Variants in DSE observed in about 807,000 individuals in gnomAD.
The protein encoded by DSE is dermatan sulfate epimerase.
DSE carries 36 observed loss-of-function variants against 84.4 expected under a neutral mutation model. The observed-to-expected ratio is 0.43, with a 90% CI of 0.33 to 0.56. DSE has a LOEUF of 0.56. DSE is among the 20% of genes least tolerant of loss of function. The pLI is 0.06. For synonymous variants in DSE, 410 were observed against 430.1 expected, an observed-to-expected ratio of 0.95 and a Z score of 0.58; for missense variants, 862 against 1,169.6, an observed-to-expected ratio of 0.74 and a Z score of 3.84.
In DSE at chr6:116,429,812, C is replaced by T. The variant is rs1226174031; in HGVS notation, c.671-1142C>T. On this transcript the variant is annotated intron_variant, in intron 3 of 5. Coordinates refer to ENST00000644252, the MANE Select transcript of DSE (RefSeq NM_013352.4). ...AAATACAAAAAAAAAATTAGCCGGGCGTGATGGCGGGCGCCTGCAGTCCCA... is the reference window on the plus strand; with the variant it reads ...AAATACAAAAAAAAAATTAGCCGGGTGTGATGGCGGGCGCCTGCAGTCCCA... Among the ~76,000 whole-genome samples the T allele has an allele frequency of 9.1e-5, 6 of 66,130 alleles. 1 individual carries two copies. The highest frequency in any genetic ancestry group is 1.8e-4 in the Non-Finnish European group (6 of 32,870). 43.4% of individuals were successfully genotyped at this position (66,130 alleles called of 152,430 possible). A position where few individuals can be genotyped will look rare whatever the true frequency, so the allele number is the denominator to read the frequency against.
chr6:116,371,716 T>A (rs1779593655), intron 1 of DSE, among the ~76,000 whole-genome samples: 1 of 152,152 alleles, frequency 6.6e-6, no homozygotes, highest in Non-Finnish European at 1.5e-5. Context: ...GAGAAATTGT[T>A]AGTAAACCTC....
intron 5 of DSE, among the ~76,000 whole-genome samples, chr6:116,434,493 G>A (rs546629152): frequency 1.3e-4 from 20 of 152,126 alleles, no homozygotes; most frequent in African/African-American, 4.1e-4. Flanking sequence ...TCTCTCAGGA[G>A]TATGACATAA....
intron 2 of DSE, among the ~76,000 whole-genome samples, chr6:116,270,967 T>C (rs2114614147): frequency 6.6e-6 from 1 of 152,316 alleles, no homozygotes; most frequent in South Asian, 2.1e-4. Context: ...AGAGCATATA[T>C]GGAAGTTACT....
intron 2 of DSE, among the ~76,000 whole-genome samples, chr6:116,287,147 T>G (rs1773960932): frequency 6.6e-6 from 1 of 152,076 alleles, no homozygotes; most frequent in Admixed American, 6.5e-5. Context: ...ATGCCTGGCT[T>G]GAATTAAAAC....
intron 2 of DSE, among the ~76,000 whole-genome samples, chr6:116,274,991 ATTAAT>A (rs869182330): frequency 2.0e-4 from 30 of 152,354 alleles, no homozygotes; most frequent in African/African-American, 7.0e-4. Context: ...AATGAGGATA[ATTAAT>A]TTTTCAATAT....
intron 2 of DSE, chr6:116,280,046 T>G: frequency 1.5e-6 from 1 of 661,868 alleles, no homozygotes; most frequent in Non-Finnish European, 2.7e-6. Context: ...CTGGGCTTTA[T>G]TTCTGTGAAT....
intron 2 of DSE, among the ~76,000 whole-genome samples, chr6:116,421,937 T>A (rs1002502572): frequency 2.6e-5 from 4 of 152,218 alleles, no homozygotes; most frequent in Admixed American, 6.5e-5. Flanking sequence ...ATTTTAATAA[T>A]CTTTTCAAAT....
At chr6:116,309,171 G>T (rs9387395) in intron 2 of DSE, among the ~76,000 whole-genome samples, 35,138 of 152,018 alleles carry the variant, frequency 0.23, 5,399 homozygotes, top group East Asian at 0.64. Flanking sequence ...CATCTGTTGT[G>T]CTAGATGACA....
chr6:116,310,334 T>C (rs1775613987), intron 2 of DSE, among the ~76,000 whole-genome samples: 1 of 152,206 alleles, frequency 6.6e-6, no homozygotes, highest in South Asian at 2.1e-4. Flanking sequence ...CAATTGATTT[T>C]TAAATATACT....
At chr6:116,285,588 C>A (rs891429579) in intron 2 of DSE, among the ~76,000 whole-genome samples, 11 of 152,134 alleles carry the variant, frequency 7.2e-5, no homozygotes, top group African/African-American at 2.7e-4. Context: ...GTCATGAAAT[C>A]CTTGCCCATG....
At chr6:116,409,326 G>T (rs1030071124) in intron 2 of DSE, among the ~76,000 whole-genome samples, 7 of 152,122 alleles carry the variant, frequency 4.6e-5, no homozygotes, top group Non-Finnish European at 1.0e-4. Context: ...GCCCAGGCTG[G>T]AGTGCAGTGG....
chr6:116,409,089 A>T (rs963876126), intron 2 of DSE, among the ~76,000 whole-genome samples: 1 of 152,140 alleles, frequency 6.6e-6, no homozygotes, highest in Non-Finnish European at 1.5e-5. Context: ...GATATATATG[A>T]TATATACTTC....
At chr6:116,329,851 G>A (rs1246180296) in intron 2 of DSE, among the ~76,000 whole-genome samples, 3 of 152,200 alleles carry the variant, frequency 2.0e-5, no homozygotes, top group African/African-American at 7.2e-5. Context: ...TTGAGATGGA[G>A]TCTTGCTCTG....
intron 2 of DSE, among the ~76,000 whole-genome samples, chr6:116,339,189 T>C (rs1777443522): frequency 6.6e-6 from 1 of 152,204 alleles, no homozygotes; most frequent in African/African-American, 2.4e-5. Flanking sequence ...TCATCTCCCA[T>C]AGCTGATGTG....
At chr6:116,342,853 T>G (rs1453867308) in intron 2 of DSE, among the ~76,000 whole-genome samples, 1 of 152,058 alleles carries the variant, frequency 6.6e-6, no homozygotes, top group Non-Finnish European at 1.5e-5. Context: ...GGGCATCGCC[T>G]TACCTGGGAA....
intron 2 of DSE, among the ~76,000 whole-genome samples, chr6:116,316,826 C>CTACTACTATTATTAT (rs59889768): frequency 2.0e-4 from 29 of 145,848 alleles, no homozygotes; most frequent in African/African-American, 4.1e-4. Flanking sequence ...ACTACTACTA[C>CTACTACTATTATTAT]TATTATTATT....
chr6:116,262,714 C>G (rs774245718), intron 2 of DSE, among the ~76,000 whole-genome samples: 3 of 152,060 alleles, frequency 2.0e-5, no homozygotes, highest in African/African-American at 4.8e-5. Context: ...AGGTTTTTAA[C>G]TTAAGATCTT....
chr6:116,434,212 C>G (rs1226273572), intron 5 of DSE, among the ~76,000 whole-genome samples: 1 of 152,036 alleles, frequency 6.6e-6, no homozygotes, highest in African/African-American at 2.4e-5. Flanking sequence ...AAAGTATTGC[C>G]AAATATGTTG....
intron 2 of DSE, among the ~76,000 whole-genome samples, chr6:116,342,778 C>A (rs1450649303): frequency 6.6e-6 from 1 of 152,200 alleles, no homozygotes; most frequent in East Asian, 1.9e-4. Flanking sequence ...GCATTTCCAA[C>A]TGAGGTAGCA....
Sources: gnomAD v4.1 joint callset for allele counts (sites outside exome capture counted in the v4.1 genomes callset) on GRCh38, gnomAD v4.1.1 for gene constraint, MANE v1.5 for transcripts, NCBI Gene and HGNC (gene_info 2026-07-23, HGNC 2026-07-21) for gene names.